Variants in ZDHHC11B observed in about 807,000 individuals in gnomAD.
The protein encoded by ZDHHC11B is probable palmitoyltransferase ZDHHC11B.
A neutral mutation model predicts 42.3 loss-of-function variants in ZDHHC11B; 17 were observed. The ratio of observed to expected loss-of-function variants is 0.40; its 90% CI spans 0.27 to 0.60. The LOEUF (loss-of-function observed/expected upper bound fraction) is 0.60, where lower values mean the gene tolerates loss of function less well. Ranked by LOEUF, ZDHHC11B falls within the 20% of genes least tolerant of loss-of-function variation. The pLI is 0.41. For synonymous variants in ZDHHC11B, 123 were observed against 193.5 expected, an observed-to-expected ratio of 0.64 and a Z score of 3.02; for missense variants, 262 against 463.2, an observed-to-expected ratio of 0.57 and a Z score of 3.99.
rs768038075 is a variant in ZDHHC11B at position 777,736 on chromosome 5, C to A, written c.-230+6932G>T. Among the ~76,000 whole-genome samples, 25 of 152,066 alleles carry A rather than the reference C, an allele frequency of 1.6e-4. 2 individuals carry two copies. The South Asian group carries it at 5.2e-3, about 32-fold the overall frequency. ...TAGACATAAAAGTTCTCCAAGCCCC[C>A]ACTCCACTCAGGAGTCTAGCTAGCT... On this transcript the variant is annotated intron_variant, in intron 1 of 13. Coordinates refer to ENST00000508859, the MANE Select transcript of ZDHHC11B (RefSeq NM_001351303.2).
chr5:751,499 GTGC>G (rs1745727072), intron 6 of ZDHHC11B, among the ~76,000 whole-genome samples: 2 of 36,410 alleles, frequency 5.5e-5, no homozygotes, highest in Admixed American at 3.6e-4. Flanking sequence ...CAGGTGGGGG[GTGC>G]AGAGGCAGGG....
At chr5:754,265 G>T (rs74693477) in intron 6 of ZDHHC11B, among the ~76,000 whole-genome samples, 1 of 35,108 alleles carries the variant, frequency 2.8e-5, no homozygotes, top group East Asian at 2.0e-3. Flanking sequence ...AACACCTCTC[G>T]TCTATGAGCC....
chr5:723,869 G>C, intron 12 of ZDHHC11B, among the ~76,000 whole-genome samples: 1 of 138,426 alleles, frequency 7.2e-6, no homozygotes, highest in African/African-American at 2.6e-5. Context: ...GAGGGGTCAA[G>C]TTGCGCAGCC....
chr5:771,390 C>T (rs1736021737), intron 1 of ZDHHC11B, among the ~76,000 whole-genome samples: 2 of 151,666 alleles, frequency 1.3e-5, no homozygotes, highest in Admixed American at 1.3e-4. Flanking sequence ...ACCAAAAATG[C>T]AGATGCCAAC....
chr5:732,275 C>T (rs1271789875), intron 11 of ZDHHC11B: 1 of 168,704 alleles, frequency 5.9e-6, no homozygotes, highest in African/African-American at 2.4e-5. Flanking sequence ...GCTTGGGATT[C>T]AACGTGATGC....
At chr5:775,375 G>A (rs1292155415) in intron 1 of ZDHHC11B, among the ~76,000 whole-genome samples, 2 of 151,918 alleles carry the variant, frequency 1.3e-5, no homozygotes, top group Non-Finnish European at 2.9e-5. Context: ...CATCTCCCTC[G>A]CACCCGATGG....
chr5:769,968 C>G (rs143427437), intron 1 of ZDHHC11B, among the ~76,000 whole-genome samples: 2 of 152,010 alleles, frequency 1.3e-5, no homozygotes, highest in African/African-American at 4.8e-5. Flanking sequence ...CACCACAGCC[C>G]CGCGAGACGG....
At chr5:777,898 G>C (rs973555207) in intron 1 of ZDHHC11B, among the ~76,000 whole-genome samples, 1 of 151,400 alleles carries the variant, frequency 6.6e-6, no homozygotes, top group Non-Finnish European at 1.5e-5. Context: ...CCAGCACCGA[G>C]GGAGCCCGGG....
chr5:775,470 C>T (rs1208321531), intron 1 of ZDHHC11B, among the ~76,000 whole-genome samples: 6 of 151,978 alleles, frequency 3.9e-5, no homozygotes, highest in Admixed American at 6.6e-5. Flanking sequence ...CACCAGAACC[C>T]GAAGGCAAGC....
intron 13 of ZDHHC11B, among the ~76,000 whole-genome samples, chr5:712,929 T>TAC (rs1491174506): frequency 1.0e-4 from 3 of 29,406 alleles, no homozygotes; most frequent in Non-Finnish European, 1.4e-4. Context: ...TGTGTGTGTG[T>TAC]ATATATATAT....
Position 730,458 on chromosome 5 carries a change from T to A in ZDHHC11B, c.1034A>T (p.Asp345Val), listed in dbSNP as rs779258607. The A allele has an allele frequency of 2.6e-6, 4 of 1,565,888 alleles. No individual in the cohort carries two copies. The Admixed American group carries it at 6.2e-5, about 24-fold the overall frequency. The change falls in exon 12 of 14, where the codon GAT becomes GTT. Residue 345 changes from aspartate (D) to valine (V), a missense_variant. Asp to Val is a radical substitution (Grantham distance 152). Around this residue, in one of 5 missense-constraint regions of ZDHHC11B, gnomAD observed 75 missense variants for 70.1 expected, o/e 1.07. Transcript: ENST00000508859. Reference protein sequence around the residue: ...DGDSKAQEADDAPSTSTLGLQ... With the variant: ...DGDSKAQEADVAPSTSTLGLQ... ...CCCAAGTGTAGATGTACTCGGGGCA[T>A]CATCTGCTTCCTGTGGGGGGAAGGG...
At chr5:749,645 A>G (rs1217151075) in intron 7 of ZDHHC11B, among the ~76,000 whole-genome samples, 1 of 129,926 alleles carries the variant, frequency 7.7e-6, no homozygotes. Flanking sequence ...AAACGGAGGA[A>G]TTCGCTCAGG....
At chr5:775,920 C>T (rs1017770999) in intron 1 of ZDHHC11B, among the ~76,000 whole-genome samples, 1 of 145,944 alleles carries the variant, frequency 6.9e-6, no homozygotes, top group African/African-American at 2.6e-5. Flanking sequence ...CAGCTGGTGA[C>T]AGGAGCTGTC....
chr5:757,770 C>T (rs1180401886), intron 4 of ZDHHC11B, among the ~76,000 whole-genome samples: 4 of 151,808 alleles, frequency 2.6e-5, no homozygotes, highest in Non-Finnish European at 5.9e-5. Context: ...GGAGGACAGG[C>T]GAGAATGATC....
intron 1 of ZDHHC11B, among the ~76,000 whole-genome samples, chr5:771,570 C>T (rs1413790837): frequency 2.6e-5 from 4 of 151,552 alleles, no homozygotes; most frequent in Admixed American, 1.3e-4. Flanking sequence ...GGTCAGGTGT[C>T]GAGCCAGGAA....
intron 7 of ZDHHC11B, among the ~76,000 whole-genome samples, chr5:750,436 C>A (rs115452618): frequency 0.037 from 5,084 of 138,476 alleles, 118 homozygotes; most frequent in African/African-American, 0.13. Flanking sequence ...GCCCCCTCCC[C>A]TCTGCGTCTC....
At chr5:744,088 C>T (rs1459483694) in intron 9 of ZDHHC11B, among the ~76,000 whole-genome samples, 2 of 149,810 alleles carry the variant, frequency 1.3e-5, no homozygotes, top group Non-Finnish European at 3.0e-5. Flanking sequence ...GGCATGATTG[C>T]GTGGTTACCG....
intron 1 of ZDHHC11B, among the ~76,000 whole-genome samples, chr5:777,358 G>C (rs557585256): frequency 6.6e-6 from 1 of 151,916 alleles, no homozygotes; most frequent in South Asian, 2.1e-4. Context: ...AGCGCGTCTG[G>C]AGCTGTTCGC....
intron 9 of ZDHHC11B, among the ~76,000 whole-genome samples, chr5:742,435 C>A (rs1337251276): frequency 7.7e-6 from 1 of 129,998 alleles, no homozygotes; most frequent in African/African-American, 2.8e-5. Context: ...CTGTGGCTTG[C>A]ACAGGAATGA....
Sources: gnomAD v4.1 joint callset for allele counts (sites outside exome capture counted in the v4.1 genomes callset) on GRCh38, gnomAD v4.1.1 for gene constraint, gnomAD v4.1.1 regional missense constraint, MANE v1.5 for transcripts, NCBI Gene and HGNC (gene_info 2026-07-23, HGNC 2026-07-21) for gene names.